Variants in KCNMA1 observed in about 807,000 individuals in gnomAD.
KCNMA1 encodes the protein potassium calcium-activated channel subfamily M alpha 1, also known as Calcium-activated potassium channel subunit alpha-1.
In KCNMA1, 29 loss-of-function variants were observed where a neutral mutation model predicts 140.0. The ratio of observed to expected loss-of-function variants is 0.21; its 90% CI spans 0.15 to 0.28. The LOEUF (loss-of-function observed/expected upper bound fraction) is 0.28, where lower values mean the gene tolerates loss of function less well. Among genes scored for constraint, KCNMA1 ranks in the 10% least tolerant of loss-of-function variants. The pLI is 1.00. For synonymous variants in KCNMA1, 612 were observed against 611.9 expected (o/e 1.00, Z 0.00); for missense variants, 880 against 1,602.2 (o/e 0.55, Z 7.70).
intron 19 of KCNMA1, chr10:76,978,308 C>A (rs1403947318): frequency 1.3e-5 from 2 of 152,204 alleles, no homozygotes; most frequent in Admixed American, 1.3e-4. Context: ...AGATTATAGG[C>A]TTAATCAGAA....
intron 2 of KCNMA1, among the ~76,000 whole-genome samples, chr10:77,325,932 C>T (rs2083998682): frequency 1.3e-5 from 2 of 152,192 alleles, no homozygotes. Flanking sequence ...TTCCTCTGAA[C>T]TCACATGGTC....
intron 12 of KCNMA1, among the ~76,000 whole-genome samples, chr10:77,084,248 T>C (rs2096645838): frequency 6.6e-6 from 1 of 152,162 alleles, no homozygotes; most frequent in East Asian, 1.9e-4. Flanking sequence ...TCTCCAGACA[T>C]TGCAAAATGT....
Position 77,320,236 on chromosome 10 carries a change from A to C in KCNMA1, c.541-68980T>G, listed in dbSNP as rs563911576. 4.0e-5 allele frequency among the ~76,000 whole-genome samples: 6 copies of C among 151,432 alleles called. No homozygotes were observed. The East Asian group carries it at 1.2e-3, about 30-fold the overall frequency. On this transcript the variant is annotated intron_variant, in intron 2 of 27. Coordinates refer to ENST00000286628, the MANE Select transcript of KCNMA1 (RefSeq NM_001161352.2). ...GAATTCTGGGGAAAGAGTGTCTGGC[A>C]CAAAAGAAATATGCTCTGGGAAGTG...
At chr10:77,183,597 C>T in intron 4 of KCNMA1, 65 bp from the exon 5 acceptor site, 1 of 1,109,932 alleles carries the variant, frequency 9.0e-7, no homozygotes, top group Non-Finnish European at 1.3e-6. Flanking sequence ...ATCCAATGTA[C>T]ACTCTTTTGT....
At chr10:77,583,991 C>T (rs1302623098) in intron 1 of KCNMA1, among the ~76,000 whole-genome samples, 1 of 152,202 alleles carries the variant, frequency 6.6e-6, no homozygotes, top group Non-Finnish European at 1.5e-5. Flanking sequence ...TTGCAGGGGG[C>T]TGGATTTATG....
At chr10:77,202,924 A>T (rs2042910439) in intron 3 of KCNMA1, among the ~76,000 whole-genome samples, 1 of 152,212 alleles carries the variant, frequency 6.6e-6, no homozygotes, top group African/African-American at 2.4e-5. Flanking sequence ...CTCTAACAGG[A>T]ACAAAAAGAA....
Position 77,401,842 on chromosome 10 carries a change from C to A in KCNMA1, c.540+2020G>T, listed in dbSNP as rs115780734. On this transcript the variant is annotated intron_variant, in intron 2 of 27. Coordinates refer to ENST00000286628, the MANE Select transcript of KCNMA1 (RefSeq NM_001161352.2). The stretch of plus-strand genomic sequence containing the variant: ...GATCAGCCCTACTTTCCCCTACAGC[C>A]CCTCCCCACACTCCACAAGTGCACA... 2.8e-3 allele frequency among the ~76,000 whole-genome samples: 432 copies of A among 152,304 alleles called. 1 individual carries two copies. The highest frequency in any genetic ancestry group is 9.6e-3 in the African/African-American group (401 of 41,566).
intron 19 of KCNMA1, chr10:76,995,799 C>G: frequency 4.9e-6 from 2 of 409,784 alleles, no homozygotes; most frequent in East Asian, 1.4e-4. Context: ...AACATCTTTT[C>G]TAGTTTGTCC....
At chr10:77,270,266 G>A (rs2064644480) in intron 2 of KCNMA1, among the ~76,000 whole-genome samples, 1 of 152,170 alleles carries the variant, frequency 6.6e-6, no homozygotes, top group Admixed American at 6.5e-5. Context: ...AATGGGGGTT[G>A]TGTTCATGTA....
chr10:77,239,393 CG>C (rs2056612298), intron 3 of KCNMA1, among the ~76,000 whole-genome samples: 1 of 152,094 alleles, frequency 6.6e-6, no homozygotes, highest in Admixed American at 6.6e-5. Flanking sequence ...GTGAGGGTAG[CG>C]GGTGTATGGA....
intron 1 of KCNMA1, among the ~76,000 whole-genome samples, chr10:77,632,022 T>A (rs912208502): frequency 1.3e-5 from 2 of 152,186 alleles, no homozygotes; most frequent in Non-Finnish European, 2.9e-5. Flanking sequence ...AGGCATGACG[T>A]CTTTGCCCAG....
At chr10:76,929,066 TAA>T (rs1230865026) in intron 23 of KCNMA1, among the ~76,000 whole-genome samples, 1 of 152,054 alleles carries the variant, frequency 6.6e-6, no homozygotes, top group East Asian at 1.9e-4. Flanking sequence ...GAGTTTTTTT[TAA>T]AAAAGTTTCA....
At chr10:77,284,078 C>T (rs981570224) in intron 2 of KCNMA1, among the ~76,000 whole-genome samples, 7 of 152,000 alleles carry the variant, frequency 4.6e-5, no homozygotes, top group African/African-American at 9.7e-5. Flanking sequence ...AAGACTATGG[C>T]GTGGTGAAAA....
At chr10:77,523,718 T>C (rs1004723039) in intron 1 of KCNMA1, among the ~76,000 whole-genome samples, 3 of 152,242 alleles carry the variant, frequency 2.0e-5, no homozygotes, top group Admixed American at 1.3e-4. Context: ...TCATATTATA[T>C]AGTTCAACTT....
intron 2 of KCNMA1, among the ~76,000 whole-genome samples, chr10:77,301,918 C>G (rs1010015264): frequency 6.6e-6 from 1 of 151,314 alleles, no homozygotes; most frequent in Non-Finnish European, 1.5e-5. Flanking sequence ...TATGGGGACT[C>G]AAAACAAACC....
chr10:77,137,923 T>G (rs547081548), intron 5 of KCNMA1, among the ~76,000 whole-genome samples: 9 of 152,082 alleles, frequency 5.9e-5, no homozygotes, highest in Non-Finnish European at 1.0e-4. Context: ...CCAGCCACCA[T>G]GCCCAGCTAA....
chr10:77,523,515 A>G (rs1357547830), intron 1 of KCNMA1, among the ~76,000 whole-genome samples: 1 of 152,236 alleles, frequency 6.6e-6, no homozygotes, highest in African/African-American at 2.4e-5. Context: ...TGTGCAGGCA[A>G]GGCTGATGTC....
At chr10:77,026,379 C>T (rs866221510) in intron 16 of KCNMA1, among the ~76,000 whole-genome samples, 2 of 152,128 alleles carry the variant, frequency 1.3e-5, no homozygotes, top group African/African-American at 4.8e-5. Context: ...CAAAGATTTG[C>T]GATTTCGCAA....
intron 3 of KCNMA1, among the ~76,000 whole-genome samples, chr10:77,237,737 C>G (rs1404484089): frequency 6.6e-6 from 1 of 152,168 alleles, no homozygotes; most frequent in Non-Finnish European, 1.5e-5. Context: ...ACATTCCCAC[C>G]CATTTTCATT....
Sources: allele counts gnomAD v4.1 joint callset (sites outside exome capture counted in the v4.1 genomes callset), GRCh38; gene constraint gnomAD v4.1.1; transcripts MANE v1.5; gene names NCBI Gene and HGNC (gene_info 2026-07-23, HGNC 2026-07-21).